MPPED1: variants seen among roughly 807,000 people sequenced by gnomAD.
The protein encoded by MPPED1 is metallophosphoesterase domain-containing protein 1.
In MPPED1, 16 loss-of-function variants were observed where a neutral mutation model predicts 36.2. The observed-to-expected ratio is 0.44, with a 90% confidence interval of 0.30 to 0.67. The LOEUF is 0.67. MPPED1 is among the 30% of genes least tolerant of loss of function. The pLI is 0.10. For synonymous variants in MPPED1, 199 were observed against 191.3 expected (o/e 1.04, Z -0.33); for missense variants, 307 against 453.4 (o/e 0.68, Z 2.93).
chr22:43,496,235 G>A (rs1444586285), intron 4 of MPPED1, among the ~76,000 whole-genome samples: 10 of 118,936 alleles, frequency 8.4e-5, no homozygotes, highest in African/African-American at 3.9e-5. Context: ...GGTGGTGGTG[G>A]AGGTGGTGGT....
intron 1 of MPPED1, among the ~76,000 whole-genome samples, chr22:43,413,383 A>C (rs1318064947): frequency 6.7e-6 from 1 of 149,136 alleles, no homozygotes; most frequent in Non-Finnish European, 1.5e-5. Flanking sequence ...ACTTTGCAAA[A>C]AAAAAAAAAA....
rs1479432679 is a variant in MPPED1, at chr22:43,507,082, A to AT, written c.*1470dup. On this transcript the variant is annotated 3_prime_UTR_variant, in exon 7 of 7. Coordinates refer to ENST00000443721, the MANE Select transcript of MPPED1 (RefSeq NM_001044370.2). Reference sequence around the variant, plus strand: ...CCTTCAAGGTAGGTACTTTAGTCCCATTTTAGAGATGAGACGATTGAGGCC... The same window carrying AT: ...CCTTCAAGGTAGGTACTTTAGTCCCATTTTTAGAGATGAGACGATTGAGGCC... 1 of 152,088 alleles carries AT rather than the reference A, an allele frequency of 6.6e-6. No individual in the cohort carries two copies. Among genetic ancestry groups the AT allele is most frequent in the Non-Finnish European group, 1.5e-5 (1 of 68,016 alleles). 9.4% of individuals were successfully genotyped at this position (152,088 alleles called of 1,614,324 possible).
chr22:43,505,269 G>A (rs904075843), intron 6 of MPPED1, among the ~76,000 whole-genome samples: 2 of 152,058 alleles, frequency 1.3e-5, no homozygotes, highest in Non-Finnish European at 1.5e-5. Context: ...GCACTGGGCC[G>A]AGCACAGTAC....
chr22:43,426,528 C>T (rs5759338), intron 2 of MPPED1, among the ~76,000 whole-genome samples: 34,312 of 152,146 alleles, frequency 0.23, 5,002 homozygotes, highest in East Asian at 0.62. Context: ...CTTAGGGCAG[C>T]GGTGCTTGTG....
intron 3 of MPPED1, among the ~76,000 whole-genome samples, chr22:43,451,348 C>T (rs1569074517): frequency 6.6e-6 from 1 of 152,202 alleles, no homozygotes; most frequent in Non-Finnish European, 1.5e-5. Flanking sequence ...CCAAAGAGGA[C>T]TTCCGCTTTT....
rs1273832847 is a variant in MPPED1, at chr22:43,422,892, AG to A, written c.-78-2015del. Among the ~76,000 whole-genome samples the A allele has an allele frequency of 2.0e-5, 3 of 152,254 alleles. No homozygotes were observed. The East Asian group carries it at 5.8e-4, about 29-fold the overall frequency. ...AGATAGAGTCTCAAGGCTGGAGTGC[AG>A]TGGCGCTGTCTCGGCTCACTGCAAC... On this transcript the variant is annotated intron_variant, in intron 1 of 6. Transcript: ENST00000443721.
rs139018662 is a variant in MPPED1 at position 43,432,041 on chromosome 22, C to T, written c.225-2993C>T. ...GGTGGTGGGTGGGAGCTGAGGCCCT[C>T]TTAGGGCTCCTCTGCTAGGCGGGGC... On this transcript the variant is annotated intron_variant, in intron 2 of 6. Coordinates refer to ENST00000443721, the MANE Select transcript of MPPED1 (RefSeq NM_001044370.2). 5.9e-3 allele frequency among the ~76,000 whole-genome samples: 903 copies of T among 152,314 alleles called. 11 individuals carry two copies. Among genetic ancestry groups the T allele is most frequent in the African/African-American group, 0.021 (873 of 41,576 alleles).
At chr22:43,457,812 C>G (rs1930807817) in intron 3 of MPPED1, among the ~76,000 whole-genome samples, 2 of 152,130 alleles carry the variant, frequency 1.3e-5, no homozygotes, top group South Asian at 4.1e-4. Flanking sequence ...CCTCCCCCTC[C>G]TTTATGCTAT....
chr22:43,439,463 C>T (rs1427086624), intron 3 of MPPED1, among the ~76,000 whole-genome samples: 1 of 152,256 alleles, frequency 6.6e-6, no homozygotes, highest in Non-Finnish European at 1.5e-5. Context: ...AGCTCACAGC[C>T]TGGATGGATC....
chr22:43,455,132 C>T lies in MPPED1; in HGVS notation c.407-19604C>T, dbSNP rs569626802. Among the ~76,000 whole-genome samples the T allele has an allele frequency of 3.9e-3, 145 of 36,998 alleles. No individual in the cohort carries two copies. In the Middle Eastern group the frequency reaches 0.1, roughly 26 times the overall value. 24.3% of individuals were successfully genotyped at this position (36,998 alleles called of 152,430 possible). On this transcript the variant is annotated intron_variant, in intron 3 of 6. Transcript: ENST00000443721. ...TTCATGTCCTTTTTTTTTTTTGAGA[C>T]GAAGTCTTACTCTGTCACCCAGACT... is the stretch of plus-strand genomic sequence containing the variant.
At chr22:43,454,181 G>C (rs1370765726) in intron 3 of MPPED1, among the ~76,000 whole-genome samples, 1 of 151,930 alleles carries the variant, frequency 6.6e-6, no homozygotes, top group South Asian at 2.1e-4. Flanking sequence ...GCTAATTTTT[G>C]TATTTTTAGT....
chr22:43,416,426 A>G (rs915877238), intron 1 of MPPED1: 6 of 152,240 alleles, frequency 3.9e-5, no homozygotes, highest in African/African-American at 1.4e-4. Context: ...TTTCCACAAG[A>G]ACTGTAAATC....
intron 4 of MPPED1, among the ~76,000 whole-genome samples, chr22:43,490,454 G>A (rs573396373): frequency 6.6e-6 from 1 of 152,256 alleles, no homozygotes; most frequent in Non-Finnish European, 1.5e-5. Context: ...AGAAGCTGGC[G>A]GGAAACTGTC....
intron 3 of MPPED1, among the ~76,000 whole-genome samples, chr22:43,458,201 A>G (rs890684284): frequency 6.6e-6 from 1 of 152,192 alleles, no homozygotes; most frequent in African/African-American, 2.4e-5. Flanking sequence ...TCTGTCATTA[A>G]CAGTCCATGA....
At chr22:43,427,551 G>A (rs1047775421) in intron 2 of MPPED1, among the ~76,000 whole-genome samples, 1 of 152,098 alleles carries the variant, frequency 6.6e-6, no homozygotes, top group East Asian at 1.9e-4. Context: ...AGGGAGGGTG[G>A]TGAATGACTG....
rs200239797 is a variant in MPPED1, at chr22:43,475,876, A to C, written c.632+915A>C. 5.5e-5 allele frequency among the ~76,000 whole-genome samples: 6 copies of C among 109,040 alleles called. 1 individual carries two copies. Among genetic ancestry groups the C allele is most frequent in the East Asian group, 4.4e-4 (1 of 2,298 alleles). The allele number at this position is 109,040 out of a possible 152,430, so 71.5% of individuals were successfully genotyped here. ...GGTGATGATGATGGCGATGCTGCTGATGATGGTGATGATGGTGGTTATGCT... is the reference window on the plus strand; with the variant it reads ...GGTGATGATGATGGCGATGCTGCTGCTGATGGTGATGATGGTGGTTATGCT... On this transcript the variant is annotated intron_variant, in intron 4 of 6. Coordinates refer to ENST00000443721, the MANE Select transcript of MPPED1 (RefSeq NM_001044370.2).
intron 3 of MPPED1, among the ~76,000 whole-genome samples, chr22:43,438,139 G>A (rs759296907): frequency 6.6e-6 from 1 of 152,198 alleles, no homozygotes; most frequent in Non-Finnish European, 1.5e-5. Context: ...GCGAGGGGAC[G>A]GTGGCTTCAT....
chr22:43,472,596 A>C (rs1379540861), intron 3 of MPPED1, among the ~76,000 whole-genome samples: 1 of 152,208 alleles, frequency 6.6e-6, no homozygotes, highest in Non-Finnish European at 1.5e-5. Flanking sequence ...CCCGAAGAAG[A>C]AAGAGCAGTG....
chr22:43,447,883 A>ATATATATATATTTT (rs1321289636), intron 3 of MPPED1, among the ~76,000 whole-genome samples: 133 of 67,698 alleles, frequency 2.0e-3, no homozygotes, highest in Non-Finnish European at 2.9e-3. Flanking sequence ...ATATATATAT[A>ATATATATATATTTT]TTTTTTTTTT....
Sources: gnomAD v4.1 joint callset for allele counts (sites outside exome capture counted in the v4.1 genomes callset) on GRCh38, gnomAD v4.1.1 for gene constraint, MANE v1.5 for transcripts, NCBI Gene and HGNC (gene_info 2026-07-23, HGNC 2026-07-21) for gene names.